SLC14A2: variants seen among roughly 807,000 people sequenced by gnomAD.
The protein encoded by SLC14A2 is urea transporter 2.
In SLC14A2, 91 loss-of-function variants were observed where a neutral mutation model predicts 104.6. That is an observed-to-expected ratio of 0.87 (90% CI 0.73 to 1.04). The LOEUF (loss-of-function observed/expected upper bound fraction) is 1.04. Among genes scored for constraint, SLC14A2 ranks in the 50% least tolerant of loss-of-function variants. The pLI, the probability that SLC14A2 is intolerant of heterozygous loss-of-function variation, is 0.00. For missense variants in SLC14A2, 1,189 were observed against 1,156.0 expected (o/e 1.03, Z -0.41); for synonymous variants, 476 against 466.4 (o/e 1.02, Z -0.27).
At chr18:45,579,349 T>C (rs573654354) in intron 2 of SLC14A2, among the ~76,000 whole-genome samples, 7 of 152,300 alleles carry the variant, frequency 4.6e-5, no homozygotes, top group African/African-American at 1.7e-4. Flanking sequence ...ATAGAGATCT[T>C]TGAAGAAACA....
the SLC14A2 span, chr18:45,181,050 C>T: frequency 1.3e-5 from 2 of 152,398 alleles, no homozygotes; most frequent in African/African-American, 4.8e-5. Context: ...TCTCCAGCCT[C>T]AGGTAGCTCC....
intron 10 of SLC14A2, chr18:45,647,120 G>A (rs949864576): frequency 6.6e-6 from 1 of 152,144 alleles, no homozygotes; most frequent in African/African-American, 2.4e-5. Context: ...ATACAACACT[G>A]ATGAATTCTA....
chr18:45,469,127 G>T (rs772120342), intron 1 of SLC14A2, among the ~76,000 whole-genome samples: 2 of 152,206 alleles, frequency 1.3e-5, no homozygotes, highest in African/African-American at 4.8e-5. Context: ...CATGAGAAAG[G>T]TGATTATGGT....
chr18:45,601,857 T>C (rs1186131456), intron 2 of SLC14A2, among the ~76,000 whole-genome samples: 2 of 152,250 alleles, frequency 1.3e-5, no homozygotes, highest in Admixed American at 1.3e-4. Flanking sequence ...TTACACTTCC[T>C]TGGACAAGAT....
intron 1 of SLC14A2, among the ~76,000 whole-genome samples, chr18:45,372,035 C>T (rs2144355943): frequency 6.6e-6 from 1 of 152,242 alleles, no homozygotes. Flanking sequence ...TATTAGGCCA[C>T]ACACAGTGGC....
chr18:45,256,213 T>C (rs558114130), intron 1 of SLC14A2, among the ~76,000 whole-genome samples: 2 of 151,604 alleles, frequency 1.3e-5, no homozygotes, highest in South Asian at 4.2e-4. Context: ...AAACTCTTAC[T>C]GAAGTATTTG....
intron 1 of SLC14A2, among the ~76,000 whole-genome samples, chr18:45,456,206 A>T (rs2086940844): frequency 6.6e-6 from 1 of 152,094 alleles, no homozygotes; most frequent in Non-Finnish European, 1.5e-5. Context: ...GGCTAAAATC[A>T]TCCCCTGTTC....
chr18:45,366,804 A>T (rs1356698366), intron 1 of SLC14A2, among the ~76,000 whole-genome samples: 1 of 152,260 alleles, frequency 6.6e-6, no homozygotes, highest in South Asian at 2.1e-4. Context: ...AAAAGCATTC[A>T]GGCTGCTGAT....
chr18:45,676,600 G>C (rs541229254), intron 18 of SLC14A2, among the ~76,000 whole-genome samples: 17 of 151,862 alleles, frequency 1.1e-4, no homozygotes, highest in African/African-American at 3.9e-4. Flanking sequence ...CTGAGGCTGG[G>C]GGAAGTGCTA....
chr18:45,602,011 T>C (rs1039758003), intron 2 of SLC14A2, among the ~76,000 whole-genome samples: 1 of 152,242 alleles, frequency 6.6e-6, no homozygotes, highest in African/African-American at 2.4e-5. Flanking sequence ...GGGGTCTCCT[T>C]CTTTCTGGGA....
chr18:45,513,039 A>G (rs2852310), intron 2 of SLC14A2, among the ~76,000 whole-genome samples: 151,059 of 152,260 alleles, frequency 0.99, 74,947 homozygotes, highest in Middle Eastern at 1. Context: ...AGCCTATGTC[A>G]CCACCAACAA....
At chr18:45,331,541 A>T (rs540789873) in intron 1 of SLC14A2, among the ~76,000 whole-genome samples, 2 of 151,948 alleles carry the variant, frequency 1.3e-5, no homozygotes, top group South Asian at 4.2e-4. Context: ...ATAAAAAAAA[A>T]TTAGCCGGGC....
chr18:45,442,033 CA>C, intron 1 of SLC14A2, among the ~76,000 whole-genome samples: 1 of 152,248 alleles, frequency 6.6e-6, no homozygotes, highest in Middle Eastern at 3.4e-3. Flanking sequence ...GAAGATGTAT[CA>C]TATCTGGCTT....
At chr18:45,168,754 AC>A in the SLC14A2 span, 1 of 151,934 alleles carries the variant, frequency 6.6e-6, no homozygotes, top group Non-Finnish European at 1.5e-5. Flanking sequence ...TGGAAAAGGA[AC>A]TTTTTTTTTT....
At chr18:45,281,736 T>A (rs1223733039) in intron 1 of SLC14A2, among the ~76,000 whole-genome samples, 1 of 152,226 alleles carries the variant, frequency 6.6e-6, no homozygotes, top group Non-Finnish European at 1.5e-5. Context: ...GAAGTCATCC[T>A]GCCTGGGTCA....
chr18:45,494,606 T>C (rs578161971), intron 2 of SLC14A2, among the ~76,000 whole-genome samples: 1 of 152,128 alleles, frequency 6.6e-6, no homozygotes, highest in Admixed American at 6.5e-5. Context: ...CTCACCATGT[T>C]GGCCAGGCTT....
At chr18:45,383,871 T>G (rs767862353) in intron 1 of SLC14A2, among the ~76,000 whole-genome samples, 1 of 152,140 alleles carries the variant, frequency 6.6e-6, no homozygotes, top group Non-Finnish European at 1.5e-5. Flanking sequence ...GTTCCCTCCT[T>G]TCTCTTCCCT....
At chr18:45,391,692 T>C (rs1028146071) in intron 1 of SLC14A2, among the ~76,000 whole-genome samples, 25 of 152,242 alleles carry the variant, frequency 1.6e-4, no homozygotes, top group African/African-American at 3.6e-4. Flanking sequence ...ATGAGCATTT[T>C]TTCATGTGTC....
chr18:45,534,572 G>A (rs2043751943), intron 2 of SLC14A2, among the ~76,000 whole-genome samples: 1 of 152,012 alleles, frequency 6.6e-6, no homozygotes, highest in African/African-American at 2.4e-5. Context: ...TAACAATGTA[G>A]ACCCTTGAAA....
Sources: gnomAD v4.1 joint callset for allele counts (sites outside exome capture counted in the v4.1 genomes callset) on GRCh38, gnomAD v4.1.1 for gene constraint, MANE v1.5 for transcripts, NCBI Gene and HGNC (gene_info 2026-07-23, HGNC 2026-07-21) for gene names.